Variants in FBLN1 observed in about 807,000 individuals in gnomAD.
FBLN1 encodes fibulin-1.
Under a neutral mutation model 89.7 loss-of-function variants are expected in FBLN1, and 34 were observed. The ratio of observed to expected loss-of-function variants is 0.38; its 90% confidence interval spans 0.29 to 0.50. The LOEUF (loss-of-function observed/expected upper bound fraction) is 0.50, where lower values mean the gene tolerates loss of function less well. Ranked by LOEUF, FBLN1 falls within the 20% of genes least tolerant of loss-of-function variation. FBLN1 has a pLI of 0.92. For missense variants in FBLN1, 777 were observed against 988.1 expected (o/e 0.79, Z 2.86); for synonymous variants, 393 against 391.3 (o/e 1.00, Z -0.05).
At chr22:45,596,545 A>G (rs1278052712) in intron 16 of FBLN1, among the ~76,000 whole-genome samples, 2 of 145,564 alleles carry the variant, frequency 1.4e-5, no homozygotes, top group Non-Finnish European at 3.0e-5. Flanking sequence ...AAATATATAA[A>G]TATATCAACA....
rs372052407 is a variant in FBLN1, at chr22:45,600,385, G to A, written c.2051G>A (p.Gly684Asp). ...LKLEMNYVVG[G>D]VVSHRNVVNV... Reference sequence around the variant, plus strand: ...CTGGAGATGAACTATGTGGTCGGGGGCGTGGTCTCCCACCGAAATGTTGTC... The same window carrying A: ...CTGGAGATGAACTATGTGGTCGGGGACGTGGTCTCCCACCGAAATGTTGTC... The change falls in exon 17 of 17, where the codon GGC becomes GAC. Residue 684 changes from glycine (G) to aspartate (D), a missense_variant. By Grantham distance (94) the Gly-to-Asp change is moderately conservative. Transcript: ENST00000327858. 2 of 1,614,214 alleles carry A rather than the reference G, an allele frequency of 1.2e-6. No homozygotes were observed. The highest frequency in any genetic ancestry group is 8.5e-7 in the Non-Finnish European group (1 of 1,180,034).
intron 4 of FBLN1, among the ~76,000 whole-genome samples, chr22:45,529,989 C>A (rs1034799358): frequency 6.6e-6 from 1 of 152,150 alleles, no homozygotes; most frequent in Non-Finnish European, 1.5e-5. Flanking sequence ...GACACGGAAC[C>A]TTTCACTTCT....
chr22:45,537,015 GT>G lies in FBLN1; in HGVS notation c.922+1679del, dbSNP rs1223793522. 6.6e-6 allele frequency among the ~76,000 whole-genome samples: 1 copy of G among 152,186 alleles called. No homozygotes were observed. The highest frequency in any genetic ancestry group is 2.4e-5 in the African/African-American group (1 of 41,452). Reference sequence around the variant, plus strand: ...CTAGGCCGCTGCAGTCAGCGCTTAAGTCCTGATCCACCGGCTCTCCCTCGGC... The same window carrying G: ...CTAGGCCGCTGCAGTCAGCGCTTAAGCCTGATCCACCGGCTCTCCCTCGGC... On this transcript the variant is annotated intron_variant, in intron 8 of 16. Coordinates refer to ENST00000327858, the MANE Select transcript of FBLN1 (RefSeq NM_006486.3). The surrounding 1 kb of genome is among the most constrained non-coding windows in gnomAD (Gnocchi z 5.7).
chr22:45,548,753 G>A lies in FBLN1; in HGVS notation c.1573+9G>A, dbSNP rs1363443243. On this transcript the variant is annotated intron_variant, in intron 13 of 16. Transcript: ENST00000327858. ...TGGCCGCAACTGCCAAGGTGAGCAGGAGGGATGCCCTGGGGTCCCTCACGC... is the reference window on the plus strand; with the variant it reads ...TGGCCGCAACTGCCAAGGTGAGCAGAAGGGATGCCCTGGGGTCCCTCACGC... 1 of 1,612,592 alleles carries A rather than the reference G, an allele frequency of 6.2e-7. No homozygotes were observed. Among genetic ancestry groups the A allele is most frequent in the Non-Finnish European group, 8.5e-7 (1 of 1,179,998 alleles).
intron 16 of FBLN1, among the ~76,000 whole-genome samples, chr22:45,595,682 A>G (rs2089177915): frequency 6.6e-6 from 1 of 152,306 alleles, no homozygotes; most frequent in Non-Finnish European, 1.5e-5. Context: ...AAATCAGTCC[A>G]AGAGAAATAC....
rs920363050 is a variant in FBLN1, at chr22:45,553,779, C to T, written c.1697+3164C>T. 5.3e-5 allele frequency among the ~76,000 whole-genome samples: 8 copies of T among 152,270 alleles called. No homozygotes were observed. In the East Asian group the frequency reaches 1.5e-3, roughly 29 times the overall value. Reference sequence around the variant, plus strand: ...CCTCCAGGGGAGGAGTGACCAGTCGCTGTGTGTGATGACGGCGGGAGCTGC... The same window carrying T: ...CCTCCAGGGGAGGAGTGACCAGTCGTTGTGTGTGATGACGGCGGGAGCTGC... On this transcript the variant is annotated intron_variant, in intron 14 of 16. Transcript: ENST00000327858.
At position 45,542,234 on chromosome 22, in the gene FBLN1, C is replaced by T. The variant is rs371901304; in HGVS notation, c.1146C>T (p.Cys382=). 58 of 1,614,090 alleles carry T rather than the reference C, an allele frequency of 3.6e-5. 1 individual carries two copies. The highest frequency in any genetic ancestry group is 6.7e-5 in the East Asian group (3 of 44,884). Residue 382 remains cysteine, a synonymous_variant, in exon 10 of 17, where the codon TGC becomes TGT. Coordinates refer to ENST00000327858, the MANE Select transcript of FBLN1 (RefSeq NM_006486.3). The stretch of plus-strand genomic sequence containing the variant: ...TGAACTCTCCCGGCAGTTTCCGCTG[C>T]GAATGCAAGACGGGTTACTATTTTG... ...RCVNSPGSFR[C]ECKTGYYFDG...
chr22:45,545,571 A>G lies in FBLN1; in HGVS notation c.1322-1514A>G, dbSNP rs537017136. On this transcript the variant is annotated intron_variant, in intron 11 of 16. Coordinates refer to ENST00000327858, the MANE Select transcript of FBLN1 (RefSeq NM_006486.3). This position sits in a 1 kb window ranked among gnomAD's most constrained non-coding sequence, Gnocchi z 5.9. ...GAACCAGAGCCTGGCCAACCTTGCT[A>G]TGTGACCTTACTAACCATTTGTTAG... Among the ~76,000 whole-genome samples, 43 of 152,284 alleles carry G rather than the reference A, an allele frequency of 2.8e-4. No individual in the cohort carries two copies. The highest frequency in any genetic ancestry group is 2.3e-3 in the Admixed American group (35 of 15,296).
chr22:45,518,437 T>C (rs1371055959), intron 1 of FBLN1: 5 of 567,356 alleles, frequency 8.8e-6, no homozygotes, highest in East Asian at 3.1e-5. Flanking sequence ...GCCGCAGCCC[T>C]GTCCAAGCTG....
chr22:45,559,271 T>G (rs953074841), intron 14 of FBLN1, among the ~76,000 whole-genome samples: 1 of 152,212 alleles, frequency 6.6e-6, no homozygotes, highest in African/African-American at 2.4e-5. Flanking sequence ...TTGGTTAAAC[T>G]TACGATAATC....
At chr22:45,589,231 G>A (rs2089115438) in intron 16 of FBLN1, among the ~76,000 whole-genome samples, 1 of 151,976 alleles carries the variant, frequency 6.6e-6, no homozygotes, top group Admixed American at 6.6e-5. Flanking sequence ...GCACACAGGA[G>A]CTTCCAGGCT....
intron 12 of FBLN1, among the ~76,000 whole-genome samples, 156 bp from the exon 13 acceptor site, chr22:45,548,457 C>G (rs2088659189): frequency 6.6e-6 from 1 of 152,240 alleles, no homozygotes; most frequent in Non-Finnish European, 1.5e-5. Context: ...CCCATCGCCT[C>G]TCTGAGCACG....
intron 1 of FBLN1, among the ~76,000 whole-genome samples, chr22:45,506,059 G>A (rs576352050): frequency 5.9e-5 from 9 of 152,314 alleles, no homozygotes; most frequent in African/African-American, 1.7e-4. Context: ...GTGAGCCACC[G>A]TGCCGGCTGG....
At position 45,578,959 on chromosome 22, in the gene FBLN1, T is replaced by C. The variant is rs1314282430; in HGVS notation, c.1972+1851T>C. ...TCAGCAGCAGGGAGAAGCCACCCCG[T>C]ATCAGATCATCAAAATATGATGCCG... is the stretch of plus-strand genomic sequence containing the variant. On this transcript the variant is annotated intron_variant, in intron 16 of 16. Coordinates refer to ENST00000327858, the MANE Select transcript of FBLN1 (RefSeq NM_006486.3). This position sits in a 1 kb window ranked among gnomAD's most constrained non-coding sequence, Gnocchi z 4.6. Among the ~76,000 whole-genome samples, 1 of 152,222 alleles carries C rather than the reference T, an allele frequency of 6.6e-6. No individual in the cohort carries two copies. Among genetic ancestry groups the C allele is most frequent in the Admixed American group, 6.5e-5 (1 of 15,292 alleles).
chr22:45,599,575 T>C (rs565571930), intron 16 of FBLN1, among the ~76,000 whole-genome samples: 26 of 152,060 alleles, frequency 1.7e-4, no homozygotes, highest in Non-Finnish European at 2.9e-4. Flanking sequence ...GAGAAAGATG[T>C]CTATCAGGTA....
intron 16 of FBLN1, among the ~76,000 whole-genome samples, chr22:45,584,846 G>A (rs1218338636): frequency 1.3e-5 from 2 of 152,248 alleles, no homozygotes; most frequent in Non-Finnish European, 2.9e-5. Context: ...GGCCTGGGCT[G>A]GTGAGGCCGG....
rs1441760754 is a variant in FBLN1, at chr22:45,597,152, A to C, written c.1973-3155A>C. On this transcript the variant is annotated intron_variant, in intron 16 of 16. Coordinates refer to ENST00000327858, the MANE Select transcript of FBLN1 (RefSeq NM_006486.3). This position sits in a 1 kb window ranked among gnomAD's most constrained non-coding sequence, Gnocchi z 4.2. ...TGAGTAGCTGGGACTATAAGCACAC[A>C]CCACCATGCCTGGCTAATTTTTGTA... 6.6e-6 allele frequency among the ~76,000 whole-genome samples: 1 copy of C among 151,898 alleles called. No homozygotes were observed. Among genetic ancestry groups the C allele is most frequent in the Non-Finnish European group, 1.5e-5 (1 of 68,004 alleles).
At chr22:45,585,872 G>A (rs576033917) in intron 16 of FBLN1, among the ~76,000 whole-genome samples, 45 of 152,110 alleles carry the variant, frequency 3.0e-4, no homozygotes, top group Admixed American at 1.4e-3. Context: ...GTGACGGCGC[G>A]TAGCCCCCCG....
chr22:45,584,031 C>T (rs932710611), intron 16 of FBLN1, among the ~76,000 whole-genome samples: 2 of 152,128 alleles, frequency 1.3e-5, no homozygotes, highest in Non-Finnish European at 2.9e-5. Flanking sequence ...AGGCAGGGGC[C>T]CCCAGGAGGT....
Sources: gnomAD v4.1 joint callset for allele counts (sites outside exome capture counted in the v4.1 genomes callset) on GRCh38, gnomAD v4.1.1 for gene constraint, Gnocchi (gnomAD v3.1) non-coding constraint, MANE v1.5 for transcripts, NCBI Gene and HGNC (gene_info 2026-07-23, HGNC 2026-07-21) for gene names.